The following CR2 variants were observed in gnomAD, a reference collection of about 807,000 sequenced individuals.
CR2 encodes the protein complement C3d receptor 2, also known as complement receptor type 2.
In CR2, 96 loss-of-function variants were observed where a neutral mutation model predicts 123.0. The observed-to-expected ratio is 0.78, with a 90% CI of 0.66 to 0.93. The LOEUF is 0.93. Ranked by LOEUF, CR2 falls within the 40% of genes least tolerant of loss-of-function variation. CR2 has a pLI of 0.00. For synonymous variants in CR2, 484 were observed against 469.5 expected (o/e 1.03, Z -0.40); for missense variants, 1,258 against 1,361.0 (o/e 0.92, Z 1.19).
intron 1 of CR2, among the ~76,000 whole-genome samples, chr1:207,458,651 C>T (rs1657897534): frequency 6.6e-6 from 1 of 152,218 alleles, no homozygotes; most frequent in Admixed American, 6.6e-5. Context: ...TCTTGTCCTT[C>T]AGTCACAACT....
chr1:207,473,863 G>A lies in CR2; in HGVS notation c.2218G>A (p.Val740Ile), dbSNP rs546560368. ...TCCAGCTGGTTCACGTGTGGAGCTA[G>A]TTAATACGTCCTGCCAAGATGGGTG... ...ELPAGSRVELVNTSCQDGYQL... is the reference protein window; with the variant it reads ...ELPAGSRVELINTSCQDGYQL... Residue 740 changes from valine (V) to isoleucine (I), a missense_variant, in exon 12 of 20, where the codon GTT becomes ATT. By Grantham distance (29) the Val-to-Ile change is conservative (BLOSUM62 3). Coordinates refer to ENST00000367057, the MANE Select transcript of CR2 (RefSeq NM_001006658.3). 3.8e-5 allele frequency: 62 copies of A among 1,613,918 alleles called. No individual in the cohort carries two copies. The African/African-American group carries it at 6.1e-4, about 16-fold the overall frequency.
intron 1 of CR2, among the ~76,000 whole-genome samples, chr1:207,461,493 T>C (rs1379163530): frequency 6.6e-6 from 1 of 152,170 alleles, no homozygotes; most frequent in Non-Finnish European, 1.5e-5. Flanking sequence ...ATTGCCCTAT[T>C]TTAGACTTTC....
chr1:207,476,134 T>G, intron 14 of CR2, 100 bp from the exon 15 acceptor site: 2 of 1,122,042 alleles, frequency 1.8e-6, no homozygotes, highest in East Asian at 4.7e-5. Context: ...GTTAGTTGGC[T>G]TGTTGCTTCT....
chr1:207,479,555 G>A lies in CR2; in HGVS notation c.3112+275G>A, dbSNP rs750435325. Reference sequence around the variant, plus strand: ...GGTGTTTGGCTTGATTTGGTCTATTGAAATAGGCAGGCTTCTTCTGCTGTA... The same window carrying A: ...GGTGTTTGGCTTGATTTGGTCTATTAAAATAGGCAGGCTTCTTCTGCTGTA... On this transcript the variant is annotated intron_variant, in intron 17 of 19. Coordinates refer to ENST00000367057, the MANE Select transcript of CR2 (RefSeq NM_001006658.3). Among the ~76,000 whole-genome samples, 94 of 152,222 alleles carry A rather than the reference G, an allele frequency of 6.2e-4. 2 individuals are homozygous for A. The highest frequency in any genetic ancestry group is 3.1e-4 in the Non-Finnish European group (21 of 68,014).
In CR2 at chr1:207,471,069, A is replaced by T; in HGVS notation, c.1475A>T (p.Asn492Ile). Reference sequence around the variant, plus strand: ...CACCAATTTGTTAGACCAGATGTCAACTCTTCTTGTGGTGAAGGGTGAGTG... The same window carrying T: ...CACCAATTTGTTAGACCAGATGTCATCTCTTCTTGTGGTGAAGGGTGAGTG... ...PQHQFVRPDVNSSCGEGYKLS... is the reference protein window; with the variant it reads ...PQHQFVRPDVISSCGEGYKLS... The change falls in exon 8 of 20, where the codon AAC (asparagine) becomes ATC (isoleucine). Residue 492 changes from asparagine to isoleucine, a missense_variant. By Grantham distance (149) the Asn-to-Ile change is moderately radical. Coordinates refer to ENST00000367057, the MANE Select transcript of CR2 (RefSeq NM_001006658.3). 6.2e-7 allele frequency: 1 copy of T among 1,613,408 alleles called. No homozygotes were observed. Among genetic ancestry groups the T allele is most frequent in the Non-Finnish European group, 8.5e-7 (1 of 1,179,732 alleles).
At chr1:207,456,177 CG>C (rs1161498524) in intron 1 of CR2, among the ~76,000 whole-genome samples, 1 of 152,146 alleles carries the variant, frequency 6.6e-6, no homozygotes, top group African/African-American at 2.4e-5. Context: ...GGGATCTCAC[CG>C]AAGCTCACAC....
Position 207,469,157 on chromosome 1 carries a change from C to T in CR2, c.742C>T (p.Leu248=). 6.2e-7 allele frequency: 1 copy of T among 1,613,922 alleles called. No individual in the cohort carries two copies. The highest frequency in any genetic ancestry group is 8.5e-7 in the Non-Finnish European group (1 of 1,179,796). The change falls in exon 5 of 20, where the codon CTG becomes TTG. Residue 248 remains leucine (L), a synonymous_variant. Coordinates refer to ENST00000367057, the MANE Select transcript of CR2 (RefSeq NM_001006658.3). ...ACAACCTTCTGTCTCCAGGTATCGA[C>T]TGCAAGGCCCACCTTCTAGTCGGTG... The part of the protein sequence containing the change: ...ANFFCDEGYR[L]QGPPSSRCVI...
Position 207,474,677 on chromosome 1 carries a change from A to T in CR2, c.2324-147A>T, listed in dbSNP as rs181863809. 2.1e-3 allele frequency: 1,820 copies of T among 878,322 alleles called. 17 individuals are homozygous for T. Among genetic ancestry groups the T allele is most frequent in the South Asian group, 9.9e-3 (637 of 64,526 alleles). The allele number at this position is 878,322 out of a possible 1,614,324, so 54.4% of individuals were successfully genotyped here. On this transcript the variant is annotated intron_variant, in intron 13 of 19. Transcript: ENST00000367057. Reference sequence around the variant, plus strand: ...AATCACATTTAATAAAGCTGTTTTTAAAAAAAGCATAATCCATATTCCAAA... The same window carrying T: ...AATCACATTTAATAAAGCTGTTTTTTAAAAAAGCATAATCCATATTCCAAA...
chr1:207,469,693 A>C lies in CR2; in HGVS notation c.818-2A>C. ...TGTCATTTCTTTCTGCAATTCCCCTAGAAATTTTTTGCCCATCACCTCCCC... is the reference window on the plus strand; with the variant it reads ...TGTCATTTCTTTCTGCAATTCCCCTCGAAATTTTTTGCCCATCACCTCCCC... On this transcript the variant is annotated splice_acceptor_variant, in intron 5 of 19. Coordinates refer to ENST00000367057, the MANE Select transcript of CR2 (RefSeq NM_001006658.3). LOFTEE classifies it high-confidence loss of function. 1 of 1,613,460 alleles carries C rather than the reference A, an allele frequency of 6.2e-7. No homozygotes were observed. The highest frequency in any genetic ancestry group is 1.3e-5 in the African/African-American group (1 of 74,968).
Position 207,485,487 on chromosome 1 carries a change from A to G in CR2, c.3212A>G (p.Gln1071Arg). 1.2e-6 allele frequency: 2 copies of G among 1,611,994 alleles called. No homozygotes were observed. Among genetic ancestry groups the G allele is most frequent in the Non-Finnish European group, 1.7e-6 (2 of 1,178,080 alleles). ...RARNYYTDTS[Q>R]KEAFHLEARE... ...AGCAATTATTATACAGATACAAGCCAGAAAGAAGCTTTTCATTTAGAAGCA... is the reference window on the plus strand; with the variant it reads ...AGCAATTATTATACAGATACAAGCCGGAAAGAAGCTTTTCATTTAGAAGCA... The change falls in exon 19 of 20, where the codon CAG becomes CGG. Residue 1071 changes from glutamine to arginine, a missense_variant. Gln to Arg is a conservative substitution (Grantham distance 43, BLOSUM62 1). Transcript: ENST00000367057.
intron 10 of CR2, among the ~76,000 whole-genome samples, 154 bp from the exon 11 acceptor site, chr1:207,473,391 C>A (rs1257101561): frequency 6.6e-6 from 1 of 152,084 alleles, no homozygotes. Context: ...AATGAGAGAG[C>A]CTTTTTAAAG....
Position 207,471,062 on chromosome 1 carries a change from G to C in CR2, c.1468G>C (p.Asp490His), listed in dbSNP as rs143872741. The change falls in exon 8 of 20, where the codon GAT becomes CAT. Residue 490 changes from aspartate (D) to histidine (H), a missense_variant. Asp to His is a moderately conservative substitution (Grantham distance 81, BLOSUM62 -1). Transcript: ENST00000367057. ...ACCCCAGCACCAATTTGTTAGACCA[G>C]ATGTCAACTCTTCTTGTGGTGAAGG... ...TKPQHQFVRP[D>H]VNSSCGEGYK... 5.0e-6 allele frequency: 8 copies of C among 1,613,692 alleles called. No individual in the cohort carries two copies. The highest frequency in any genetic ancestry group is 5.1e-6 in the Non-Finnish European group (6 of 1,179,822).
chr1:207,472,915 A>G lies in CR2; in HGVS notation c.1714A>G (p.Ser572Gly). ...AGTGGAATTCAGCCTCATTGGAGAG[A>G]GCACCATCCGTTGTACAAGCAATGA... ...RGVEFSLIGESTIRCTSNDQE... is the reference protein window; with the variant it reads ...RGVEFSLIGEGTIRCTSNDQE... The change falls in exon 10 of 20, where the codon AGC (serine) becomes GGC (glycine). Residue 572 changes from serine (S) to glycine (G), a missense_variant. Transcript: ENST00000367057. The G allele has an allele frequency of 1.9e-6, 3 of 1,614,060 alleles. No individual in the cohort carries two copies. Among genetic ancestry groups the G allele is most frequent in the Non-Finnish European group, 2.5e-6 (3 of 1,179,972 alleles).
At position 207,472,849 on chromosome 1, in the gene CR2, A is replaced by G. The variant is rs1165389618; in HGVS notation, c.1648A>G (p.Thr550Ala). 1.4e-5 allele frequency: 23 copies of G among 1,613,936 alleles called. No individual in the cohort carries two copies. The highest frequency in any genetic ancestry group is 1.9e-5 in the Non-Finnish European group (22 of 1,179,962). ...TTCCTTAGAAGATTTTCCATATGGA[A>G]CCACGGTCACTTACACATGTAACCC... ...GSSLEDFPYG[T>A]TVTYTCNPGP... The change falls in exon 10 of 20, where the codon ACC (threonine) becomes GCC (alanine). Residue 550 changes from threonine to alanine, a missense_variant. Physicochemically the swap from Thr to Ala is moderately conservative, Grantham distance 58. Coordinates refer to ENST00000367057, the MANE Select transcript of CR2 (RefSeq NM_001006658.3).
rs370658637 is a variant in CR2 at position 207,468,462 on chromosome 1, T to C, written c.446-65T>C. 3.9e-5 allele frequency: 61 copies of C among 1,555,690 alleles called. No individual in the cohort carries two copies. The Middle Eastern group carries it at 2.0e-3, about 51-fold the overall frequency. ...AGGGAAGCCAAAAGATTGGACCCCC[T>C]TGATTCTAGATTGTGAAGGATGCAT... On this transcript the variant is annotated intron_variant, in intron 2 of 19. Coordinates refer to ENST00000367057, the MANE Select transcript of CR2 (RefSeq NM_001006658.3).
Position 207,469,787 on chromosome 1 carries a change from A to G in CR2, c.910A>G (p.Thr304Ala), listed in dbSNP as rs773579040. ...CTCATATGGAAGCATAGTCACTTAC[A>G]CTTGTGACCCGGACCCAGAGGAAGG... ...NVSYGSIVTY[T>A]CDPDPEEGVN... The change falls in exon 6 of 20, where the codon ACT becomes GCT. Residue 304 changes from threonine to alanine, a missense_variant. By Grantham distance (58) the Thr-to-Ala change is moderately conservative. Coordinates refer to ENST00000367057, the MANE Select transcript of CR2 (RefSeq NM_001006658.3). 8.7e-6 allele frequency: 14 copies of G among 1,613,924 alleles called. No individual in the cohort carries two copies. The highest frequency in any genetic ancestry group is 7.6e-6 in the Non-Finnish European group (9 of 1,179,910).
Position 207,472,824 on chromosome 1 carries a change from T to A in CR2, c.1623T>A (p.Ser541Arg). ...TCTACAATGGGGCACACACCGGGAG[T>A]TCCTTAGAAGATTTTCCATATGGAA... Reference protein sequence around the residue: ...PVIYNGAHTGSSLEDFPYGTT... With the variant: ...PVIYNGAHTGRSLEDFPYGTT... The change falls in exon 10 of 20, where the codon AGT becomes AGA. Residue 541 changes from serine to arginine, a missense_variant. By Grantham distance (110) the Ser-to-Arg change is moderately radical. Coordinates refer to ENST00000367057, the MANE Select transcript of CR2 (RefSeq NM_001006658.3). 1 of 1,613,540 alleles carries A rather than the reference T, an allele frequency of 6.2e-7. No individual in the cohort carries two copies. The highest frequency in any genetic ancestry group is 8.5e-7 in the Non-Finnish European group (1 of 1,179,824).
chr1:207,468,898 G>A lies in CR2; in HGVS notation c.733G>A (p.Gly245Arg). 1 of 1,613,430 alleles carries A rather than the reference G, an allele frequency of 6.2e-7. No individual in the cohort carries two copies. Among genetic ancestry groups the A allele is most frequent in the Middle Eastern group, 1.7e-4 (1 of 6,060 alleles). ...AACTGCAAACTTTTTCTGTGATGAAGGGTGAGTGTCAGGATTATTTATGAG... is the reference window on the plus strand; with the variant it reads ...AACTGCAAACTTTTTCTGTGATGAAAGGTGAGTGTCAGGATTATTTATGAG... ...GVTANFFCDE[G>R]YRLQGPPSSR... Residue 245 changes from glycine to arginine, a missense_variant and splice_region_variant, in exon 4 of 20, where the codon GGG becomes AGG. Transcript: ENST00000367057.
At position 207,475,145 on chromosome 1, in the gene CR2, A is replaced by G. The variant is rs1480233857; in HGVS notation, c.2645A>G (p.Asn882Ser). The change falls in exon 14 of 20, where the codon AAT (asparagine) becomes AGT (serine). Residue 882 changes from asparagine (N) to serine (S), a missense_variant. By Grantham distance (46) the Asn-to-Ser change is conservative. Transcript: ENST00000367057. ...YVDCNPGFIM[N>S]GSRVIRCHTD... ...GACTGCAATCCTGGCTTCATCATGA[A>G]TGGTAGTCGCGTGATTAGGTGTCAT... 6.2e-7 allele frequency: 1 copy of G among 1,612,628 alleles called. No individual in the cohort carries two copies. Among genetic ancestry groups the G allele is most frequent in the Non-Finnish European group, 8.5e-7 (1 of 1,179,490 alleles).
Sources: allele counts gnomAD v4.1 joint callset (sites outside exome capture counted in the v4.1 genomes callset), GRCh38; gene constraint gnomAD v4.1.1; transcripts MANE v1.5; gene names NCBI Gene and HGNC (gene_info 2026-07-23, HGNC 2026-07-21).